MLIP: variants seen among roughly 807,000 people sequenced by gnomAD.
The protein encoded by MLIP is muscular LMNA interacting protein.
MLIP carries 79 observed loss-of-function variants against 84.8 expected under a neutral mutation model. That is an observed-to-expected ratio of 0.93 (90% CI 0.78 to 1.12). The LOEUF (loss-of-function observed/expected upper bound fraction) is 1.12. Ranked by LOEUF, MLIP falls within the 50% of genes most tolerant of loss-of-function variation. The pLI, the probability that MLIP is intolerant of heterozygous loss-of-function variation, is 0.00. For missense variants in MLIP, 1,257 were observed against 1,160.6 expected, an observed-to-expected ratio of 1.08 and a Z score of -1.21; for synonymous variants, 504 against 463.0, an observed-to-expected ratio of 1.09 and a Z score of -1.14.
At chr6:54,189,451 A>AAGAAAT (rs1777705828) in intron 9 of MLIP, among the ~76,000 whole-genome samples, 1 of 152,206 alleles carries the variant, frequency 6.6e-6, no homozygotes, top group Non-Finnish European at 1.5e-5. Flanking sequence ...CAATACTTTA[A>AAGAAAT]AGAAATATCT....
intron 13 of MLIP, among the ~76,000 whole-genome samples, chr6:54,261,473 T>C (rs1783386911): frequency 6.6e-6 from 1 of 152,078 alleles, no homozygotes; most frequent in Admixed American, 6.6e-5. Flanking sequence ...ATAAAACACA[T>C]GCTAGGCAAA....
At chr6:54,105,069 G>T (rs895058510) in intron 1 of MLIP, among the ~76,000 whole-genome samples, 2 of 152,078 alleles carry the variant, frequency 1.3e-5, no homozygotes, top group Non-Finnish European at 2.9e-5. Context: ...TAAACAAATT[G>T]CCCCTGAGAA....
chr6:54,250,344 T>C (rs76349989), intron 12 of MLIP, among the ~76,000 whole-genome samples: 2 of 152,000 alleles, frequency 1.3e-5, no homozygotes, highest in South Asian at 4.1e-4. Context: ...TTTGACCCAG[T>C]AACCTTATTA....
intron 4 of MLIP, among the ~76,000 whole-genome samples, chr6:54,141,289 C>T (rs934084118): frequency 6.1e-5 from 9 of 147,868 alleles, no homozygotes; most frequent in Non-Finnish European, 1.0e-4. Flanking sequence ...ATAGGATGGG[C>T]ATCTGAATGC....
At chr6:54,212,166 A>G (rs1162267038) in intron 11 of MLIP, among the ~76,000 whole-genome samples, 1 of 152,098 alleles carries the variant, frequency 6.6e-6, no homozygotes, top group Non-Finnish European at 1.5e-5. Flanking sequence ...TTGTTTCCCT[A>G]ATTATTAGGT....
At chr6:54,101,456 C>G (rs575196924) in intron 1 of MLIP, among the ~76,000 whole-genome samples, 1 of 152,142 alleles carries the variant, frequency 6.6e-6, no homozygotes, top group Non-Finnish European at 1.5e-5. Context: ...GGTTCAGATG[C>G]TTTTATTATG....
At chr6:54,240,250 C>G (rs933991706) in intron 12 of MLIP, among the ~76,000 whole-genome samples, 1 of 152,158 alleles carries the variant, frequency 6.6e-6, no homozygotes, top group Admixed American at 6.6e-5. Context: ...TTTTTAGCAT[C>G]TAGCTACTAT....
chr6:54,157,255 C>A (rs79771710), intron 5 of MLIP, among the ~76,000 whole-genome samples: 1 of 151,972 alleles, frequency 6.6e-6, no homozygotes, highest in Admixed American at 6.6e-5. Context: ...TAGTAGAGGT[C>A]GCATGTGGTG....
intron 1 of MLIP, among the ~76,000 whole-genome samples, chr6:54,048,057 T>C (rs565856611): frequency 7.9e-5 from 12 of 152,234 alleles, no homozygotes; most frequent in African/African-American, 2.9e-4. Flanking sequence ...CTTAGCCCTG[T>C]AGTAAAGAAG....
chr6:54,079,051 A>G (rs1766978093), intron 1 of MLIP, among the ~76,000 whole-genome samples: 1 of 152,198 alleles, frequency 6.6e-6, no homozygotes, highest in South Asian at 2.1e-4. Context: ...TATCTATACT[A>G]AATAAATATC....
Position 54,160,404 on chromosome 6 carries a change from A to C in MLIP, c.2327A>C (p.Lys776Thr). 1 of 1,612,504 alleles carries C rather than the reference A, an allele frequency of 6.2e-7. No homozygotes were observed. Among genetic ancestry groups the C allele is most frequent in the Non-Finnish European group, 8.5e-7 (1 of 1,179,136 alleles). ...DEPAKTESVSKDNTLEPPVEL... is the reference protein window; with the variant it reads ...DEPAKTESVSTDNTLEPPVEL... ...CCAGCCAAGACTGAAAGTGTCTCCA[A>C]GGACAACACATTAGAACCACCAGTG... The change falls in exon 6 of 14, where the codon AAG (lysine) becomes ACG (threonine). Residue 776 changes from lysine to threonine, a missense_variant. Physicochemically the swap from Lys to Thr is moderately conservative, Grantham distance 78 (BLOSUM62 -1). Coordinates refer to ENST00000502396, the MANE Select transcript of MLIP (RefSeq NM_001281747.2).
chr6:54,099,257 C>T (rs146257500), intron 1 of MLIP, among the ~76,000 whole-genome samples: 24 of 152,010 alleles, frequency 1.6e-4, no homozygotes, highest in South Asian at 6.2e-4. Flanking sequence ...GCATTTTTAC[C>T]GGTAACCTTA....
chr6:54,158,766 A>G (rs1774307908), intron 5 of MLIP, among the ~76,000 whole-genome samples: 1 of 152,118 alleles, frequency 6.6e-6, no homozygotes, highest in African/African-American at 2.4e-5. Flanking sequence ...GAAATTCAGA[A>G]CGTTTATCAT....
chr6:54,062,973 C>T (rs754055445), intron 1 of MLIP, among the ~76,000 whole-genome samples: 2 of 151,998 alleles, frequency 1.3e-5, no homozygotes, highest in African/African-American at 2.4e-5. Flanking sequence ...GAGGCCGAGG[C>T]GGGTGGATTA....
chr6:54,095,396 A>G (rs558770682), intron 1 of MLIP, among the ~76,000 whole-genome samples: 30 of 152,276 alleles, frequency 2.0e-4, no homozygotes, highest in Middle Eastern at 3.4e-3. Context: ...CTGACTTTTC[A>G]TTTATTTTCA....
At chr6:54,037,925 TTAA>T (rs1211049729) in intron 1 of MLIP, among the ~76,000 whole-genome samples, 2 of 152,084 alleles carry the variant, frequency 1.3e-5, no homozygotes, top group African/African-American at 2.4e-5. Flanking sequence ...CTCAGTATTG[TTAA>T]TAATATCTAC....
At chr6:54,113,719 T>A (rs1189725017) in intron 1 of MLIP, among the ~76,000 whole-genome samples, 1 of 152,192 alleles carries the variant, frequency 6.6e-6, no homozygotes, top group African/African-American at 2.4e-5. Context: ...ATCATACTTC[T>A]AATTATTAAA....
chr6:54,037,907 A>G (rs1247830609), intron 1 of MLIP, among the ~76,000 whole-genome samples: 1 of 151,944 alleles, frequency 6.6e-6, no homozygotes, highest in African/African-American at 2.4e-5. Flanking sequence ...TTGTTAGTGT[A>G]TTGTAATCTC....
chr6:54,045,302 C>A (rs1764979138), intron 1 of MLIP: 1 of 150,644 alleles, frequency 6.6e-6, no homozygotes, highest in Non-Finnish European at 1.5e-5. Context: ...GAGCCGAAAT[C>A]CGCCATTGCC....
Sources: allele counts gnomAD v4.1 joint callset (sites outside exome capture counted in the v4.1 genomes callset), GRCh38; gene constraint gnomAD v4.1.1; transcripts MANE v1.5; gene names NCBI Gene and HGNC (gene_info 2026-07-23, HGNC 2026-07-21).